WDR59: variants seen among roughly 807,000 people sequenced by gnomAD.
The protein encoded by WDR59 is GATOR2 complex protein WDR59.
Under a neutral mutation model 131.2 loss-of-function variants are expected in WDR59, and 100 were observed. The observed-to-expected ratio is 0.76, with a 90% CI of 0.65 to 0.90. The LOEUF (loss-of-function observed/expected upper bound fraction) is 0.90, where lower values mean the gene tolerates loss of function less well. Among genes scored for constraint, WDR59 ranks in the 40% least tolerant of loss-of-function variants. The probability of loss-of-function intolerance (pLI) is 0.00; values close to 1 mark genes in which losing one functional copy is unlikely to be tolerated. For missense variants in WDR59, 1,203 were observed against 1,262.2 expected (o/e 0.95, Z 0.71); for synonymous variants, 601 against 466.2 (o/e 1.29, Z -3.72).
chr16:74,933,571 A>C (rs1178266821), intron 8 of WDR59, among the ~76,000 whole-genome samples: 2 of 152,086 alleles, frequency 1.3e-5, no homozygotes, highest in African/African-American at 4.8e-5. Flanking sequence ...TCAAGACTGC[A>C]ATCATTTCTT....
At chr16:74,890,491 G>T (rs1421947419) in intron 20 of WDR59, among the ~76,000 whole-genome samples, 1 of 152,096 alleles carries the variant, frequency 6.6e-6, no homozygotes, top group East Asian at 1.9e-4. Context: ...AGTAAGTTGG[G>T]TTGGCAGGGA....
chr16:74,928,167 A>G (rs1258074295), intron 8 of WDR59, among the ~76,000 whole-genome samples: 3 of 149,456 alleles, frequency 2.0e-5, no homozygotes, highest in African/African-American at 7.4e-5. Context: ...CAGCCTCCCA[A>G]AGTGCTGGGA....
At chr16:74,969,634 G>C (rs562318231) in intron 1 of WDR59, among the ~76,000 whole-genome samples, 2 of 151,974 alleles carry the variant, frequency 1.3e-5, no homozygotes, top group East Asian at 3.9e-4. Flanking sequence ...GAGTGCAATG[G>C]CTTTAGCTCA....
intron 25 of WDR59, among the ~76,000 whole-genome samples, chr16:74,874,894 T>C (rs1964133727): frequency 6.6e-6 from 1 of 151,976 alleles, no homozygotes; most frequent in Non-Finnish European, 1.5e-5. Flanking sequence ...CCCAGCCTGT[T>C]TTTTTTTGTT....
At chr16:74,908,107 G>A (rs993893050) in intron 17 of WDR59, among the ~76,000 whole-genome samples, 1 of 152,110 alleles carries the variant, frequency 6.6e-6, no homozygotes, top group Non-Finnish European at 1.5e-5. Context: ...TGAAAAGAAG[G>A]GCTTTTGCGT....
intron 3 of WDR59, among the ~76,000 whole-genome samples, chr16:74,955,711 C>T (rs574272962): frequency 7.9e-5 from 12 of 152,224 alleles, no homozygotes; most frequent in African/African-American, 2.2e-4. Flanking sequence ...CCTTTCCTGA[C>T]AAGAACAGAC....
intron 5 of WDR59, 93 bp downstream of exon 5, chr16:74,949,625 A>G: frequency 1.8e-6 from 2 of 1,082,864 alleles, no homozygotes; most frequent in South Asian, 2.7e-5. Flanking sequence ...CGAGGTCTGT[A>G]TCGAGGGGAA....
intron 8 of WDR59, among the ~76,000 whole-genome samples, chr16:74,932,946 G>C (rs9936578): frequency 0.31 from 47,750 of 152,036 alleles, 8,361 homozygotes; most frequent in African/African-American, 0.47. Flanking sequence ...TGTGTTTCTT[G>C]ATTTATCAAG....
chr16:74,881,207 T>C (rs910046013), intron 25 of WDR59, among the ~76,000 whole-genome samples: 10 of 152,300 alleles, frequency 6.6e-5, no homozygotes, highest in Middle Eastern at 3.4e-3. Flanking sequence ...TCTGTAAATA[T>C]TGAATCCCAA....
At chr16:74,913,865 G>A (rs539642611) in intron 13 of WDR59, among the ~76,000 whole-genome samples, 1 of 152,272 alleles carries the variant, frequency 6.6e-6, no homozygotes, top group Non-Finnish European at 1.5e-5. Flanking sequence ...GGTAATGGCT[G>A]TACAACTTTG....
chr16:74,942,889 ACAG>A lies in WDR59; in HGVS notation c.446-66_446-64del, dbSNP rs2032341789. Reference sequence around the variant, plus strand: ...GGTGCTTTCGGAAGCAGAGCAGAGCACAGCCAGGGGAGCTGGATAATGAGTTCT... The same window carrying A: ...GGTGCTTTCGGAAGCAGAGCAGAGCACCAGGGGAGCTGGATAATGAGTTCT... On this transcript the variant is annotated intron_variant, in intron 6 of 25. Transcript: ENST00000262144. 3 of 1,473,268 alleles carry A rather than the reference ACAG, an allele frequency of 2.0e-6. No individual in the cohort carries two copies. In the Admixed American group the frequency reaches 5.4e-5, roughly 27 times the overall value. 91.3% of individuals were successfully genotyped at this position (1,473,268 alleles called of 1,614,324 possible).
rs2033000947 is a variant in WDR59 at position 74,951,543 on chromosome 16, T to G, written c.241A>C (p.Ser81Arg). 6.3e-7 allele frequency: 1 copy of G among 1,588,670 alleles called. No individual in the cohort carries two copies. Among genetic ancestry groups the G allele is most frequent in the Admixed American group, 1.8e-5 (1 of 55,270 alleles). ...DSFAHYFAAS[S>R]NQRVDLYKWK... ...TTGTAAAGGTCTACTCGTTGGTTACTCTGAAAAGAAAGGAAAGAAGGCCAC... is the reference window on the plus strand; with the variant it reads ...TTGTAAAGGTCTACTCGTTGGTTACGCTGAAAAGAAAGGAAAGAAGGCCAC... Residue 81 changes from serine to arginine, a missense_variant and splice_region_variant, in exon 4 of 26, where the codon AGT becomes CGT. Ser to Arg is a moderately radical substitution (Grantham distance 110, BLOSUM62 -1). Coordinates refer to ENST00000262144, the MANE Select transcript of WDR59 (RefSeq NM_030581.4).
rs571447421 is a variant in WDR59 at position 74,902,949 on chromosome 16, A to G, written c.1866+998T>C. ...AAAAAAAAATCATTTTCCCTATTCA[A>G]CTAAATGGTTTTGCTCAAGACTGGT... On this transcript the variant is annotated intron_variant, in intron 18 of 25. Coordinates refer to ENST00000262144, the MANE Select transcript of WDR59 (RefSeq NM_030581.4). 5.9e-5 allele frequency among the ~76,000 whole-genome samples: 9 copies of G among 152,240 alleles called. No homozygotes were observed. The East Asian group carries it at 1.7e-3, about 29-fold the overall frequency.
In WDR59 at chr16:74,892,465, CA is replaced by C. The variant is rs1965089002; in HGVS notation, c.2082+18del. 1 of 1,603,804 alleles carries C rather than the reference CA, an allele frequency of 6.2e-7. No individual in the cohort carries two copies. The highest frequency in any genetic ancestry group is 8.5e-7 in the Non-Finnish European group (1 of 1,174,424). ...CCTGAAGAAAAATCCAAATCTCCAC[CA>C]AAAGGGATGGACAATACCTGGACAA... is the stretch of plus-strand genomic sequence containing the variant. On this transcript the variant is annotated intron_variant, in intron 20 of 25. Transcript: ENST00000262144.
intron 14 of WDR59, among the ~76,000 whole-genome samples, chr16:74,910,571 A>G (rs1279600739): frequency 2.6e-5 from 4 of 152,182 alleles, no homozygotes; most frequent in Non-Finnish European, 5.9e-5. Flanking sequence ...CTTAGAAGTA[A>G]TACTCACTGG....
intron 1 of WDR59, among the ~76,000 whole-genome samples, chr16:74,970,473 T>G (rs1400263251): frequency 4.8e-5 from 6 of 124,002 alleles, no homozygotes; most frequent in African/African-American, 1.7e-4. Flanking sequence ...CCAGCCTGGG[T>G]GACAGAGAGA....
At position 74,947,311 on chromosome 16, in the gene WDR59, G is replaced by A. The variant is rs538672171; in HGVS notation, c.445+1208C>T. 4.6e-5 allele frequency among the ~76,000 whole-genome samples: 7 copies of A among 152,262 alleles called. No individual in the cohort carries two copies. The South Asian group carries it at 1.4e-3, about 32-fold the overall frequency. On this transcript the variant is annotated intron_variant, in intron 6 of 25. Transcript: ENST00000262144. ...TAAAAATACAAAATTAGCCGGGCAT[G>A]GTGGCACATGCCTGTAGTCCCGCCA...
chr16:74,984,245 C>G (rs891594601), intron 1 of WDR59, among the ~76,000 whole-genome samples: 1 of 151,992 alleles, frequency 6.6e-6, no homozygotes, highest in Non-Finnish European at 1.5e-5. Context: ...CCACTGCACT[C>G]CAGCCTGGGC....
At chr16:74,907,368 C>T (rs1199506103) in intron 17 of WDR59, among the ~76,000 whole-genome samples, 1 of 152,134 alleles carries the variant, frequency 6.6e-6, no homozygotes, top group African/African-American at 2.4e-5. Flanking sequence ...ATGGGGGCGG[C>T]GTCCCCCATG....
Sources: gnomAD v4.1 joint callset for allele counts (sites outside exome capture counted in the v4.1 genomes callset) on GRCh38, gnomAD v4.1.1 for gene constraint, MANE v1.5 for transcripts, NCBI Gene and HGNC (gene_info 2026-07-23, HGNC 2026-07-21) for gene names.